The following XKR4 variants were observed in gnomAD, a reference collection of about 807,000 sequenced individuals.
XKR4 encodes XK related 4.
Under a neutral mutation model 53.9 loss-of-function variants are expected in XKR4, and 12 were observed. The observed-to-expected ratio is 0.22, with a 90% CI of 0.14 to 0.36. The LOEUF (loss-of-function observed/expected upper bound fraction) is 0.36, where lower values mean the gene tolerates loss of function less well. XKR4 is among the 10% of genes least tolerant of loss of function. XKR4 has a pLI of 1.00. For synonymous variants in XKR4, 354 were observed against 362.4 expected, an observed-to-expected ratio of 0.98 and a Z score of 0.26; for missense variants, 799 against 859.5, an observed-to-expected ratio of 0.93 and a Z score of 0.88.
At chr8:55,454,841 C>T (rs1805533284) in intron 2 of XKR4, 2 of 763,214 alleles carry the variant, frequency 2.6e-6, no homozygotes, top group African/African-American at 1.7e-5. Context: ...CTCCCTCATC[C>T]TCCTCTTCCT....
intron 2 of XKR4, among the ~76,000 whole-genome samples, chr8:55,460,626 A>G (rs1805640611): frequency 6.6e-6 from 1 of 152,214 alleles, no homozygotes; most frequent in Non-Finnish European, 1.5e-5. Context: ...AGTGCCAGAC[A>G]GTGGGTGCAG....
chr8:55,192,914 G>C (rs760088314), intron 1 of XKR4, among the ~76,000 whole-genome samples: 1 of 152,148 alleles, frequency 6.6e-6, no homozygotes, highest in Non-Finnish European at 1.5e-5. Context: ...GAACTCCACT[G>C]AGTGAGGCTG....
rs934507562 is a variant in XKR4 at position 55,530,657 on chromosome 8, G to A, written c.*6430G>A. ...ATCTTCAATGATCAATATGAATGTA[G>A]TGTATTAAAATACAAGTAACTATCT... On this transcript the variant is annotated 3_prime_UTR_variant, in exon 3 of 3. Transcript: ENST00000327381. 2 of 152,138 alleles carry A rather than the reference G, an allele frequency of 1.3e-5. No homozygotes were observed. The highest frequency in any genetic ancestry group is 2.9e-5 in the Non-Finnish European group (2 of 68,026). The allele number at this position is 152,138 out of a possible 1,614,324, so 9.4% of individuals were successfully genotyped here.
chr8:55,302,635 A>T (rs1376315324), intron 1 of XKR4, among the ~76,000 whole-genome samples: 3 of 152,252 alleles, frequency 2.0e-5, no homozygotes, highest in Middle Eastern at 3.4e-3. Context: ...TGAGCATGGA[A>T]TGTTCTTCCA....
At chr8:55,496,613 C>A (rs1280842207) in intron 2 of XKR4, among the ~76,000 whole-genome samples, 1 of 152,174 alleles carries the variant, frequency 6.6e-6, no homozygotes, top group African/African-American at 2.4e-5. Flanking sequence ...GGACAAATTT[C>A]TTCTTTAAGA....
chr8:55,186,586 G>A (rs1473872428), intron 1 of XKR4, among the ~76,000 whole-genome samples: 1 of 152,126 alleles, frequency 6.6e-6, no homozygotes, highest in Non-Finnish European at 1.5e-5. Context: ...AACCCAGGAG[G>A]CAGAGTTTGC....
In XKR4 at chr8:55,480,837, A is replaced by C. The variant is rs1428203355; in HGVS notation, c.1007-42444A>C. On this transcript the variant is annotated intron_variant, in intron 2 of 2. Transcript: ENST00000327381. ...AATAAAATACCTAGGAATCCAACTT[A>C]CAAGGGATGTGAAGGACCTCTTCAA... is the stretch of plus-strand genomic sequence containing the variant. Among the ~76,000 whole-genome samples the C allele has an allele frequency of 9.2e-5, 14 of 151,484 alleles. No homozygotes were observed. The East Asian group carries it at 2.7e-3, about 29-fold the overall frequency.
chr8:55,348,975 C>G (rs1025607594), intron 1 of XKR4, among the ~76,000 whole-genome samples: 1 of 152,150 alleles, frequency 6.6e-6, no homozygotes, highest in Admixed American at 6.6e-5. Flanking sequence ...CTGACCCACA[C>G]AAATCAGAGT....
At chr8:55,109,677 C>G (rs1816206836) in intron 1 of XKR4, among the ~76,000 whole-genome samples, 2 of 152,168 alleles carry the variant, frequency 1.3e-5, no homozygotes, top group African/African-American at 2.4e-5. Context: ...TTCACTTGAA[C>G]TATGAAGTGT....
At chr8:55,523,206 C>A in intron 2 of XKR4, 75 bp from the exon 3 acceptor site, 3 of 1,367,616 alleles carry the variant, frequency 2.2e-6, no homozygotes, top group Non-Finnish European at 3.0e-6. Flanking sequence ...CCCCAAGCCC[C>A]CAGCTCTGTG....
intron 1 of XKR4, among the ~76,000 whole-genome samples, chr8:55,260,907 C>T (rs2129371117): frequency 6.6e-6 from 1 of 152,288 alleles, no homozygotes; most frequent in South Asian, 2.1e-4. Flanking sequence ...TGCCAGCATT[C>T]ACCTGTGCAA....
intron 2 of XKR4, among the ~76,000 whole-genome samples, chr8:55,496,253 A>G (rs1390596248): frequency 6.6e-6 from 1 of 152,182 alleles, no homozygotes; most frequent in Admixed American, 6.5e-5. Context: ...GACTCTGGAA[A>G]CCTTTCTATA....
intron 1 of XKR4, among the ~76,000 whole-genome samples, chr8:55,282,973 A>G (rs1818861724): frequency 6.6e-6 from 1 of 152,134 alleles, no homozygotes; most frequent in Non-Finnish European, 1.5e-5. Flanking sequence ...CCTTTCTTAT[A>G]TTGAGACATA....
At chr8:55,264,822 G>T (rs1474889480) in intron 1 of XKR4, among the ~76,000 whole-genome samples, 1 of 152,166 alleles carries the variant, frequency 6.6e-6, no homozygotes, top group Non-Finnish European at 1.5e-5. Context: ...AACATAGACA[G>T]AATGTATATT....
chr8:55,123,548 T>A (rs1462441286), intron 1 of XKR4, among the ~76,000 whole-genome samples: 3 of 152,226 alleles, frequency 2.0e-5, no homozygotes, highest in Non-Finnish European at 4.4e-5. Flanking sequence ...TGTCTAAGTC[T>A]GCCTGTTGGT....
intron 2 of XKR4, among the ~76,000 whole-genome samples, chr8:55,385,001 A>G (rs889756892): frequency 6.6e-6 from 1 of 152,186 alleles, no homozygotes; most frequent in African/African-American, 2.4e-5. Flanking sequence ...TTAATACAAC[A>G]ATAGTGTAGC....
rs548657967 is a variant in XKR4 at position 55,346,087 on chromosome 8, T to C, written c.807-11591T>C. ...GAATTTACATTTTCTTTTTCTTTTT[T>C]TTTTTTTTTCTTTTTTGAGACAGAG... On this transcript the variant is annotated intron_variant, in intron 1 of 2. Coordinates refer to ENST00000327381, the MANE Select transcript of XKR4 (RefSeq NM_052898.2). 2.9e-3 allele frequency among the ~76,000 whole-genome samples: 441 copies of C among 151,608 alleles called. 1 individual carries two copies. The highest frequency in any genetic ancestry group is 5.2e-3 in the Non-Finnish European group (356 of 67,832).
intron 1 of XKR4, among the ~76,000 whole-genome samples, chr8:55,284,393 T>C (rs1250798281): frequency 6.6e-6 from 1 of 152,152 alleles, no homozygotes; most frequent in South Asian, 2.1e-4. Flanking sequence ...GAATCTCCCA[T>C]GAGATGGGTG....
intron 1 of XKR4, among the ~76,000 whole-genome samples, chr8:55,274,241 T>C (rs1454266503): frequency 6.6e-6 from 1 of 152,120 alleles, no homozygotes; most frequent in Non-Finnish European, 1.5e-5. Context: ...ATACCACAGG[T>C]GAGGAGTCTT....
Sources: gnomAD v4.1 joint callset for allele counts (sites outside exome capture counted in the v4.1 genomes callset) on GRCh38, gnomAD v4.1.1 for gene constraint, MANE v1.5 for transcripts, NCBI Gene and HGNC (gene_info 2026-07-23, HGNC 2026-07-21) for gene names.